Variants in PIK3R5 observed in about 807,000 individuals in gnomAD.
PIK3R5 encodes phosphoinositide-3-kinase regulatory subunit 5, also known as phosphoinositide 3-kinase regulatory subunit 5.
In PIK3R5, 32 loss-of-function variants were observed where a neutral mutation model predicts 94.9. The observed-to-expected ratio is 0.34, with a 90% CI of 0.25 to 0.45. PIK3R5 has a LOEUF of 0.45. Ranked by LOEUF, PIK3R5 falls within the 20% of genes least tolerant of loss-of-function variation. PIK3R5 has a pLI of 1.00. For synonymous variants in PIK3R5, 443 were observed against 479.4 expected (o/e 0.92, Z 0.99); for missense variants, 853 against 1,144.6 (o/e 0.75, Z 3.68).
At position 8,881,719 on chromosome 17, in the gene PIK3R5, G is replaced by T; in HGVS notation, c.2300-7C>A. The stretch of plus-strand genomic sequence containing the variant: ...AGGGCCTCCATGCTGGAATCTGAGG[G>T]GCAAGGACACTCAGGCCAGGCTCAG... On this transcript the variant is annotated splice_polypyrimidine_tract_variant and splice_region_variant and intron_variant, in intron 16 of 18. Coordinates refer to ENST00000447110, the MANE Select transcript of PIK3R5 (RefSeq NM_001142633.3). This position sits in a 1 kb window ranked among gnomAD's most constrained non-coding sequence, Gnocchi z 4.8. The T allele has an allele frequency of 6.2e-7, 1 of 1,613,764 alleles. No individual in the cohort carries two copies. The highest frequency in any genetic ancestry group is 8.5e-7 in the Non-Finnish European group (1 of 1,179,796).
Position 8,925,895 on chromosome 17 carries a change from C to T in PIK3R5, c.-13-14388G>A, listed in dbSNP as rs761072635. 3.3e-5 allele frequency among the ~76,000 whole-genome samples: 5 copies of T among 152,156 alleles called. No individual in the cohort carries two copies. The highest frequency in any genetic ancestry group is 4.8e-5 in the African/African-American group (2 of 41,444). ...AGGAAAACAAGAGTCCTGCTTTGTCCGAGTTCTATCCCCTTCAGACCCCAA... is the reference window on the plus strand; with the variant it reads ...AGGAAAACAAGAGTCCTGCTTTGTCTGAGTTCTATCCCCTTCAGACCCCAA... On this transcript the variant is annotated intron_variant, in intron 1 of 18. Transcript: ENST00000447110. The surrounding 1 kb of genome is among the most constrained non-coding windows in gnomAD (Gnocchi z 5.1).
chr17:8,955,505 T>C lies in PIK3R5; in HGVS notation c.-14+10091A>G, dbSNP rs2091453765. ...GAACAGAAGACTAAGGACTCTGGAC[T>C]CTCCCTAAGCAGTGGGGTGCCATCA... is the stretch of plus-strand genomic sequence containing the variant. On this transcript the variant is annotated intron_variant, in intron 1 of 18. Coordinates refer to ENST00000447110, the MANE Select transcript of PIK3R5 (RefSeq NM_001142633.3). This position sits in a 1 kb window ranked among gnomAD's most constrained non-coding sequence, Gnocchi z 4.4. Among the ~76,000 whole-genome samples the C allele has an allele frequency of 6.6e-6, 1 of 152,146 alleles. No homozygotes were observed. Among genetic ancestry groups the C allele is most frequent in the Non-Finnish European group, 1.5e-5 (1 of 68,022 alleles).
chr17:8,891,911 A>C (rs943541697), intron 6 of PIK3R5, among the ~76,000 whole-genome samples: 3 of 151,938 alleles, frequency 2.0e-5, no homozygotes, highest in African/African-American at 7.3e-5. Flanking sequence ...GCTACTATGG[A>C]AACTTTCAAA....
chr17:8,907,947 G>GT (rs1190165688), intron 3 of PIK3R5, among the ~76,000 whole-genome samples: 1 of 152,140 alleles, frequency 6.6e-6, no homozygotes, highest in African/African-American at 2.4e-5. Flanking sequence ...CTTACCTTTT[G>GT]TTTTTTAGCT....
At chr17:8,960,235 C>G (rs540333159) in intron 1 of PIK3R5, among the ~76,000 whole-genome samples, 1 of 152,178 alleles carries the variant, frequency 6.6e-6, no homozygotes, top group African/African-American at 2.4e-5. Context: ...AGCAAGTATT[C>G]ACTACATGGT....
Position 8,887,659 on chromosome 17 carries a change from G to T in PIK3R5, c.1641C>A (p.Leu547=). The change falls in exon 11 of 19, where the codon CTC becomes CTA. Residue 547 remains leucine (L), a synonymous_variant. Coordinates refer to ENST00000447110, the MANE Select transcript of PIK3R5 (RefSeq NM_001142633.3). Reference sequence around the variant, plus strand: ...ACTGAAGTTTGAAGAACCGTGTGAGGAGTGGGCGATTGTTCTCCAGCCGCC... The same window carrying T: ...ACTGAAGTTTGAAGAACCGTGTGAGTAGTGGGCGATTGTTCTCCAGCCGCC... ...NLRRLENNRP[L]LTRFFKLQFF... is the part of the protein sequence containing the mutation. 1.2e-6 allele frequency: 2 copies of T among 1,604,408 alleles called. No homozygotes were observed. The highest frequency in any genetic ancestry group is 1.7e-5 in the Admixed American group (1 of 58,914).
At position 8,889,867 on chromosome 17, in the gene PIK3R5, G is replaced by A; in HGVS notation, c.811+106C>T. On this transcript the variant is annotated intron_variant, in intron 8 of 18. Transcript: ENST00000447110. This position sits in a 1 kb window ranked among gnomAD's most constrained non-coding sequence, Gnocchi z 4.1. ...GATGCTGAAGAAGCTGAGTCCCTGA[G>A]TGACTGTGTGGAGCAGAGCCACCAG... 2 of 1,146,548 alleles carry A rather than the reference G, an allele frequency of 1.7e-6. No individual in the cohort carries two copies. Among genetic ancestry groups the A allele is most frequent in the Non-Finnish European group, 2.6e-6 (2 of 779,638 alleles). The allele number at this position is 1,146,548 out of a possible 1,614,324, so 71.0% of individuals were successfully genotyped here.
Position 8,935,914 on chromosome 17 carries a change from C to G in PIK3R5, c.-13-24407G>C, listed in dbSNP as rs986108616. ...CTAAAAATACAAAAAATTAGCCGGG[C>G]GTGGTGGCGGGCACCTGTAGTCCCA... On this transcript the variant is annotated intron_variant, in intron 1 of 18. Coordinates refer to ENST00000447110, the MANE Select transcript of PIK3R5 (RefSeq NM_001142633.3). This position sits in a 1 kb window ranked among gnomAD's most constrained non-coding sequence, Gnocchi z 4.5. 6.6e-6 allele frequency among the ~76,000 whole-genome samples: 1 copy of G among 151,970 alleles called. No homozygotes were observed. The highest frequency in any genetic ancestry group is 2.4e-5 in the African/African-American group (1 of 41,376).
chr17:8,907,572 T>C (rs2090422759), intron 3 of PIK3R5, among the ~76,000 whole-genome samples: 2 of 151,580 alleles, frequency 1.3e-5, no homozygotes, highest in Admixed American at 6.6e-5. Context: ...TATCTATATA[T>C]ATAAAAGTAC....
rs894025696 is a variant in PIK3R5 at position 8,892,905 on chromosome 17, C to G, written c.482+681G>C. Reference sequence around the variant, plus strand: ...CTGCAGAGGGTCCTCCTAATGGGCACCCCCTCTCTAGTGCTTTTCAAACTG... The same window carrying G: ...CTGCAGAGGGTCCTCCTAATGGGCAGCCCCTCTCTAGTGCTTTTCAAACTG... On this transcript the variant is annotated intron_variant, in intron 6 of 18. Transcript: ENST00000447110. This position sits in a 1 kb window ranked among gnomAD's most constrained non-coding sequence, Gnocchi z 4.3. Among the ~76,000 whole-genome samples the G allele has an allele frequency of 6.6e-6, 1 of 152,168 alleles. No homozygotes were observed. The highest frequency in any genetic ancestry group is 2.4e-5 in the African/African-American group (1 of 41,422).
Position 8,893,830 on chromosome 17 carries a change from T to C in PIK3R5, c.413-175A>G. On this transcript the variant is annotated intron_variant, in intron 5 of 18. Coordinates refer to ENST00000447110, the MANE Select transcript of PIK3R5 (RefSeq NM_001142633.3). The surrounding 1 kb of genome is among the most constrained non-coding windows in gnomAD (Gnocchi z 5.1). ...TCCAGGGTGCCTAGCAGTTTGCTTC[T>C]ATGCGTCCTTTTACACCTCACGAGT... is the stretch of plus-strand genomic sequence containing the variant. 1.8e-6 allele frequency: 1 copy of C among 569,012 alleles called. No individual in the cohort carries two copies. Among genetic ancestry groups the C allele is most frequent in the East Asian group, 3.0e-5 (1 of 33,700 alleles). The allele number at this position is 569,012 out of a possible 1,614,324, so 35.2% of individuals were successfully genotyped here.
chr17:8,960,413 T>C (rs1342957484), intron 1 of PIK3R5, among the ~76,000 whole-genome samples: 6 of 152,222 alleles, frequency 3.9e-5, no homozygotes, highest in Non-Finnish European at 8.8e-5. Context: ...AATTGAACAA[T>C]ATGTGTGTTG....
At chr17:8,956,317 G>C (rs891575068) in intron 1 of PIK3R5, among the ~76,000 whole-genome samples, 2 of 151,518 alleles carry the variant, frequency 1.3e-5, no homozygotes, top group Non-Finnish European at 2.9e-5. Flanking sequence ...ATGGGCTAGA[G>C]GGTGGGTTTC....
At chr17:8,885,930 C>G (rs530889594) in intron 14 of PIK3R5, among the ~76,000 whole-genome samples, 5 of 150,140 alleles carry the variant, frequency 3.3e-5, no homozygotes, top group Admixed American at 1.3e-4. Context: ...GACAACCCCG[C>G]CTCCCCATGG....
Position 8,889,609 on chromosome 17 carries a change from G to A in PIK3R5, c.811+364C>T, listed in dbSNP as rs950254280. On this transcript the variant is annotated intron_variant, in intron 8 of 18. Transcript: ENST00000447110. The surrounding 1 kb of genome is among the most constrained non-coding windows in gnomAD (Gnocchi z 4.1). Reference sequence around the variant, plus strand: ...TCTATGGTACTGGAGTCATAGAGACGATGTTTCCCAGGCTCCTTTGGGGCA... The same window carrying A: ...TCTATGGTACTGGAGTCATAGAGACAATGTTTCCCAGGCTCCTTTGGGGCA... Among the ~76,000 whole-genome samples, 3 of 152,162 alleles carry A rather than the reference G, an allele frequency of 2.0e-5. No homozygotes were observed. The highest frequency in any genetic ancestry group is 4.4e-5 in the Non-Finnish European group (3 of 68,028).
Position 8,924,495 on chromosome 17 carries a change from A to T in PIK3R5, c.-13-12988T>A, listed in dbSNP as rs2090828384. Among the ~76,000 whole-genome samples the T allele has an allele frequency of 2.0e-5, 3 of 152,132 alleles. No individual in the cohort carries two copies. In the South Asian group the frequency reaches 6.2e-4, roughly 31 times the overall value. On this transcript the variant is annotated intron_variant, in intron 1 of 18. Transcript: ENST00000447110. ...CCTTCCAGAGCACTGTGACTTCTAG[A>T]TGCTTTACTATCAGAATAAGTTTGG...
chr17:8,886,960 A>C, intron 12 of PIK3R5, 136 bp downstream of exon 12: 3 of 1,013,366 alleles, frequency 3.0e-6, no homozygotes, highest in Non-Finnish European at 4.3e-6. Flanking sequence ...TCTCACCCAC[A>C]CTCCCTGATC....
intron 1 of PIK3R5, among the ~76,000 whole-genome samples, chr17:8,927,071 G>A (rs2090897050): frequency 6.6e-6 from 1 of 152,110 alleles, no homozygotes; most frequent in Non-Finnish European, 1.5e-5. Flanking sequence ...GGACCCTGGG[G>A]ACAAGGAATG....
chr17:8,954,752 A>G (rs527699771), intron 1 of PIK3R5, among the ~76,000 whole-genome samples: 1 of 152,056 alleles, frequency 6.6e-6, no homozygotes, highest in African/African-American at 2.4e-5. Flanking sequence ...CCTGGCCAAC[A>G]TGGTGAAACT....
Sources: gnomAD v4.1 joint callset for allele counts (sites outside exome capture counted in the v4.1 genomes callset) on GRCh38, gnomAD v4.1.1 for gene constraint, Gnocchi (gnomAD v3.1) non-coding constraint, MANE v1.5 for transcripts, NCBI Gene and HGNC (gene_info 2026-07-23, HGNC 2026-07-21) for gene names.